GFAP: variants seen among roughly 807,000 people sequenced by gnomAD.
GFAP encodes the protein intermediate filament protein.
Under a neutral mutation model 49.3 loss-of-function variants are expected in GFAP, and 38 were observed. The ratio of observed to expected loss-of-function variants is 0.77; its 90% CI spans 0.60 to 1.01. The LOEUF (loss-of-function observed/expected upper bound fraction) is 1.01, where lower values mean the gene tolerates loss of function less well. GFAP is among the 50% of genes least tolerant of loss of function. GFAP has a pLI of 0.00. For synonymous variants in GFAP, 222 were observed against 236.4 expected (o/e 0.94, Z 0.56); for missense variants, 463 against 579.1 (o/e 0.80, Z 2.06).
rs747417926 is a variant in GFAP at position 44,915,341 on chromosome 17, C to A, written c.146G>T (p.Arg49Leu). ...LARMPPPLPT[R>L]VDFSLAGALN... ...TGCCCCAGCCAGGGAGAAATCCACC[C>A]GGGTCGGGAGTGGAGGGGGCATTCG... Residue 49 changes from arginine to leucine, a missense_variant, in exon 1 of 9, where the codon CGG (arginine) becomes CTG (leucine). By Grantham distance (102) the Arg-to-Leu change is moderately radical. This residue lies in a region of GFAP where 89 missense variants were observed against 87.5 expected (regional missense o/e 1.02). Transcript: ENST00000588735. This position sits in a 1 kb window ranked among gnomAD's most constrained non-coding sequence, Gnocchi z 4.1. 6.2e-7 allele frequency: 1 copy of A among 1,613,022 alleles called. No homozygotes were observed. Among genetic ancestry groups the A allele is most frequent in the African/African-American group, 1.3e-5 (1 of 75,046 alleles).
intron 7 of GFAP, chr17:44,910,052 A>T (rs1025596825): frequency 1.2e-6 from 2 of 1,607,278 alleles, no homozygotes; most frequent in African/African-American, 2.7e-5. Context: ...GGGAAGAGGG[A>T]ACTCAGGGGG....
chr17:44,914,055 G>A lies in GFAP; in HGVS notation c.495C>T (p.Ala165=), dbSNP rs1306438057. The change falls in exon 2 of 9, where the codon GCC becomes GCT. Residue 165 remains alanine (A), a synonymous_variant. Transcript: ENST00000588735. The part of the protein sequence containing the change: ...LQDETNLRLE[A]ENNLAAYRQE... The stretch of plus-strand genomic sequence containing the variant: ...GTCTATAGGCAGCCAGGTTGTTCTC[G>A]GCTTCCAGCCTCAGGTTGGTTTCAT... 7.1e-6 allele frequency: 11 copies of A among 1,558,432 alleles called. No individual in the cohort carries two copies. In the East Asian group the frequency reaches 9.6e-5, roughly 14 times the overall value.
At chr17:44,909,875 G>C in intron 7 of GFAP, 2 of 1,310,688 alleles carry the variant, frequency 1.5e-6, no homozygotes, top group Middle Eastern at 3.0e-4. Context: ...AGAGGCTGCT[G>C]CTTGCTCAGA....
Position 44,911,753 on chromosome 17 carries a change from GA to G in GFAP, c.824del (p.Leu275ProfsTer18). The G allele has an allele frequency of 6.2e-7, 1 of 1,613,960 alleles. No homozygotes were observed. The highest frequency in any genetic ancestry group is 1.1e-5 in the South Asian group (1 of 91,088). ...TDAAARNAEL[L>X]RQAKHEANDY... ...CGTTGGCTTCGTGCTTGGCCTGGCG[GA>G]GCAGCTCCGCGTTGCGGGCAGCAGC... On this transcript the variant is annotated frameshift_variant, in exon 5 of 9. Coordinates refer to ENST00000588735, the MANE Select transcript of GFAP (RefSeq NM_002055.5). LOFTEE classifies it high-confidence loss of function.
Position 44,904,443 on chromosome 17 carries a change from T to C in GFAP, c.*2904A>G. On this transcript the variant is annotated 3_prime_UTR_variant, in exon 9 of 9. Coordinates refer to ENST00000588735, the MANE Select transcript of GFAP (RefSeq NM_002055.5). Reference sequence around the variant, plus strand: ...AGCCCAGACCTCTCCCCACGCTACCTCAAGGCCGTGCCCGATGTGGTGTCT... The same window carrying C: ...AGCCCAGACCTCTCCCCACGCTACCCCAAGGCCGTGCCCGATGTGGTGTCT... 6.5e-7 allele frequency: 1 copy of C among 1,542,552 alleles called. No homozygotes were observed. Among genetic ancestry groups the C allele is most frequent in the Non-Finnish European group, 8.8e-7 (1 of 1,141,250 alleles).
At chr17:44,912,083 G>C (rs368267763) in intron 4 of GFAP, among the ~76,000 whole-genome samples, 2 of 152,066 alleles carry the variant, frequency 1.3e-5, no homozygotes, top group Non-Finnish European at 2.9e-5. Flanking sequence ...CGTCTTAGGC[G>C]AGCGGAGGCC....
rs759648362 is a variant in GFAP, at chr17:44,907,417, C to T, written c.1258-29G>A. On this transcript the variant is annotated intron_variant, in intron 8 of 8. Coordinates refer to ENST00000588735, the MANE Select transcript of GFAP (RefSeq NM_002055.5). ...CAGGGGACAGGGAACGTGCACAGTGCAACAGTTAGGAGTTCACACAGACCC... is the reference window on the plus strand; with the variant it reads ...CAGGGGACAGGGAACGTGCACAGTGTAACAGTTAGGAGTTCACACAGACCC... The T allele has an allele frequency of 1.1e-5, 17 of 1,546,148 alleles. No homozygotes were observed. In the South Asian group the frequency reaches 1.3e-4, roughly 12 times the overall value.
At chr17:44,910,709 A>T in intron 6 of GFAP, 51 bp from the exon 7 acceptor site, 1 of 1,565,014 alleles carries the variant, frequency 6.4e-7, no homozygotes, top group Non-Finnish European at 8.7e-7. Flanking sequence ...GGACACCCCT[A>T]GGCTGGGTCT....
Position 44,906,518 on chromosome 17 carries a change from G to C in GFAP, c.*829C>G, listed in dbSNP as rs867651404. The C allele has an allele frequency of 6.6e-6, 1 of 152,558 alleles. No individual in the cohort carries two copies. Among genetic ancestry groups the C allele is most frequent in the African/African-American group, 2.4e-5 (1 of 41,436 alleles). 9.5% of individuals were successfully genotyped at this position (152,558 alleles called of 1,614,324 possible). ...GTACACAACAGATCCCCCAAGTGCTGAGAATCAAGCTCCCACCTGCCCACA... is the reference window on the plus strand; with the variant it reads ...GTACACAACAGATCCCCCAAGTGCTCAGAATCAAGCTCCCACCTGCCCACA... On this transcript the variant is annotated 3_prime_UTR_variant, in exon 9 of 9. Coordinates refer to ENST00000588735, the MANE Select transcript of GFAP (RefSeq NM_002055.5).
At position 44,903,302 on chromosome 17, in the gene GFAP, C is replaced by T. The variant is rs1046567227; in HGVS notation, c.*4045G>A. On this transcript the variant is annotated 3_prime_UTR_variant, in exon 9 of 9. Coordinates refer to ENST00000588735, the MANE Select transcript of GFAP (RefSeq NM_002055.5). ...TACATCATTTGAGGTGTTGAATTTTCCCCTAGAGACTCAGTTCTTGTGCAG... is the reference window on the plus strand; with the variant it reads ...TACATCATTTGAGGTGTTGAATTTTTCCCTAGAGACTCAGTTCTTGTGCAG... 1.6e-6 allele frequency: 2 copies of T among 1,245,132 alleles called. No homozygotes were observed. The highest frequency in any genetic ancestry group is 3.8e-5 in the Admixed American group (1 of 26,548). 77.1% of individuals were successfully genotyped at this position (1,245,132 alleles called of 1,614,324 possible). A position where few individuals can be genotyped will look rare whatever the true frequency, so the allele number is the denominator to read the frequency against.
rs886053017 is a variant in GFAP, at chr17:44,903,638, G to A, written c.*3709C>T. 7.0e-7 allele frequency: 1 copy of A among 1,431,582 alleles called. No individual in the cohort carries two copies. The highest frequency in any genetic ancestry group is 2.5e-5 in the East Asian group (1 of 39,848). 88.7% of individuals were successfully genotyped at this position (1,431,582 alleles called of 1,614,324 possible). On this transcript the variant is annotated 3_prime_UTR_variant, in exon 9 of 9. Transcript: ENST00000588735. ...AGATCAGGTCTGGAATGTTAGAAGGGCATCTTGTACATCCACTGGGAATAA... is the reference window on the plus strand; with the variant it reads ...AGATCAGGTCTGGAATGTTAGAAGGACATCTTGTACATCCACTGGGAATAA...
intron 3 of GFAP, 47 bp downstream of exon 3, chr17:44,913,681 A>G (rs772274343): frequency 2.2e-6 from 3 of 1,361,094 alleles, no homozygotes; most frequent in East Asian, 4.6e-5. Context: ...TCCCTCTCTC[A>G]GTTGCAATCT....
Position 44,904,838 on chromosome 17 carries a change from C to A in GFAP, c.*2509G>T, listed in dbSNP as rs1320378050. The A allele has an allele frequency of 6.4e-7, 1 of 1,550,694 alleles. No individual in the cohort carries two copies. The highest frequency in any genetic ancestry group is 8.7e-7 in the Non-Finnish European group (1 of 1,147,000). ...CCAGCTCCACATCCGCTTCACCCAGCTGGATGACCGGGGCATCTACTATTG... is the reference window on the plus strand; with the variant it reads ...CCAGCTCCACATCCGCTTCACCCAGATGGATGACCGGGGCATCTACTATTG... On this transcript the variant is annotated 3_prime_UTR_variant, in exon 9 of 9. Coordinates refer to ENST00000588735, the MANE Select transcript of GFAP (RefSeq NM_002055.5).
chr17:44,911,526 C>A (rs1212086556), intron 5 of GFAP, 70 bp from the exon 6 acceptor site: 13 of 1,542,532 alleles, frequency 8.4e-6, no homozygotes, highest in African/African-American at 1.4e-5. Context: ...GCCCGGCCCC[C>A]GGCCCCAGGC....
Position 44,915,085 on chromosome 17 carries a change from G to T in GFAP, c.402C>A (p.Ser134Arg), listed in dbSNP as rs147040914. 2.8e-5 allele frequency: 45 copies of T among 1,613,356 alleles called. No homozygotes were observed. Among genetic ancestry groups the T allele is most frequent in the Non-Finnish European group, 3.8e-5 (45 of 1,180,020 alleles). Residue 134 changes from serine to arginine, a missense_variant, in exon 1 of 9, where the codon AGC becomes AGA. By Grantham distance (110) the Ser-to-Arg change is moderately radical. Coordinates refer to ENST00000588735, the MANE Select transcript of GFAP (RefSeq NM_002055.5). This position sits in a 1 kb window ranked among gnomAD's most constrained non-coding sequence, Gnocchi z 4.1. ...TGTCCCTCTCAACCTCCAGCCGGGC[G>T]CTGTTGGCGGTGAGTTGATCGAGCC... ...RLRLDQLTANSARLEVERDNL... is the reference protein window; with the variant it reads ...RLRLDQLTANRARLEVERDNL...
At chr17:44,907,962 CTGGG>C (rs1567770511) in intron 8 of GFAP, 98 bp downstream of exon 8, 1 of 838,434 alleles carries the variant, frequency 1.2e-6, no homozygotes, top group East Asian at 2.4e-5. Context: ...CTGGGAGTTG[CTGGG>C]AACCTTCTAT....
At chr17:44,913,186 C>G (rs2051812633) in intron 4 of GFAP, 83 bp downstream of exon 4, 1 of 1,353,520 alleles carries the variant, frequency 7.4e-7, no homozygotes, top group African/African-American at 1.4e-5. Flanking sequence ...CTCCCAGCTT[C>G]CTCCACCCTC....
At position 44,905,120 on chromosome 17, in the gene GFAP, A is replaced by G; in HGVS notation, c.*2227T>C. ...CAGTTGTCCTTCAATGTGTTTGTTA[A>G]ATGATACCAGATGTCTCTGGGTGGG... is the stretch of plus-strand genomic sequence containing the variant. On this transcript the variant is annotated 3_prime_UTR_variant, in exon 9 of 9. Transcript: ENST00000588735. 1 of 1,403,166 alleles carries G rather than the reference A, an allele frequency of 7.1e-7. No homozygotes were observed. Among genetic ancestry groups the G allele is most frequent in the Non-Finnish European group, 9.7e-7 (1 of 1,035,162 alleles). The allele number at this position is 1,403,166 out of a possible 1,614,324, so 86.9% of individuals were successfully genotyped here.
Position 44,903,654 on chromosome 17 carries a change from C to G in GFAP, c.*3693G>C. The G allele has an allele frequency of 7.0e-7, 1 of 1,433,340 alleles. No individual in the cohort carries two copies. Among genetic ancestry groups the G allele is most frequent in the Non-Finnish European group, 9.1e-7 (1 of 1,099,886 alleles). 88.8% of individuals were successfully genotyped at this position (1,433,340 alleles called of 1,614,324 possible). Reference sequence around the variant, plus strand: ...GTTAGAAGGGCATCTTGTACATCCACTGGGAATAAATTGCCTTGCACTTGG... The same window carrying G: ...GTTAGAAGGGCATCTTGTACATCCAGTGGGAATAAATTGCCTTGCACTTGG... On this transcript the variant is annotated 3_prime_UTR_variant, in exon 9 of 9. Coordinates refer to ENST00000588735, the MANE Select transcript of GFAP (RefSeq NM_002055.5).
Sources: gnomAD v4.1 joint callset for allele counts (sites outside exome capture counted in the v4.1 genomes callset) on GRCh38, gnomAD v4.1.1 for gene constraint, gnomAD v4.1.1 regional missense constraint, Gnocchi (gnomAD v3.1) non-coding constraint, MANE v1.5 for transcripts, NCBI Gene and HGNC (gene_info 2026-07-23, HGNC 2026-07-21) for gene names.